ZNF146: variants seen among roughly 807,000 people sequenced by gnomAD.
The protein encoded by ZNF146 is zinc finger protein OZF.
In ZNF146, 9 loss-of-function variants were observed where a neutral mutation model predicts 22.2. That is an observed-to-expected ratio of 0.41 (90% CI 0.24 to 0.71). The LOEUF is 0.71. Among genes scored for constraint, ZNF146 ranks in the 30% least tolerant of loss-of-function variants. ZNF146 has a pLI of 0.34. For missense variants in ZNF146, 194 were observed against 344.8 expected (o/e 0.56, Z 3.46); for synonymous variants, 108 against 119.2 (o/e 0.91, Z 0.61).
At chr19:36,233,076 A>G (rs980660095) in intron 3 of ZNF146, among the ~76,000 whole-genome samples, 1 of 152,122 alleles carries the variant, frequency 6.6e-6, no homozygotes, top group African/African-American at 2.4e-5. Context: ...TTAAATATGT[A>G]TTTTCTACCA....
intron 3 of ZNF146, among the ~76,000 whole-genome samples, chr19:36,234,361 C>CA (rs374641166): frequency 0.016 from 2,352 of 150,406 alleles, 65 homozygotes; most frequent in African/African-American, 0.054. Context: ...AAGACTGTCT[C>CA]AAAAAAAAAG....
chr19:36,228,719 A>G (rs927470282), intron 2 of ZNF146, 29 bp from the exon 3 acceptor site: 4 of 152,346 alleles, frequency 2.6e-5, no homozygotes, highest in Non-Finnish European at 2.9e-5. Flanking sequence ...CAGCATTAAC[A>G]TTGTAATACT....
chr19:36,236,179 C>A lies in ZNF146; in HGVS notation c.-262C>A. The A allele has an allele frequency of 2.6e-6, 1 of 378,224 alleles. No homozygotes were observed. The highest frequency in any genetic ancestry group is 4.3e-5 in the Admixed American group (1 of 23,480). The allele number at this position is 378,224 out of a possible 1,614,324, so 23.4% of individuals were successfully genotyped here. A position where few individuals can be genotyped will look rare whatever the true frequency, so the allele number is the denominator to read the frequency against. Reference sequence around the variant, plus strand: ...CAATCTCATTGAGAAGCAGAAAATTCATGCTGGAGAGAAACTAGTGAAGGT... The same window carrying A: ...CAATCTCATTGAGAAGCAGAAAATTAATGCTGGAGAGAAACTAGTGAAGGT... On this transcript the variant is annotated 5_prime_UTR_variant, in exon 4 of 4. Coordinates refer to ENST00000443387, the MANE Select transcript of ZNF146 (RefSeq NM_007145.3).
chr19:36,236,707 G>C lies in ZNF146; in HGVS notation c.267G>C (p.Thr89=), dbSNP rs761846974. Residue 89 remains threonine (T), a synonymous_variant, in exon 4 of 4, where the codon ACG becomes ACC. Transcript: ENST00000443387. ...TTAGCCAGAAGGAAAACCTCCTTACGCACCAGAAAATTCACACTGGAGAAA... is the reference window on the plus strand; with the variant it reads ...TTAGCCAGAAGGAAAACCTCCTTACCCACCAGAAAATTCACACTGGAGAAA... The part of the protein sequence containing the change: ...KSFSQKENLL[T]HQKIHTGEKP... 6 of 1,614,148 alleles carry C rather than the reference G, an allele frequency of 3.7e-6. No homozygotes were observed. Among genetic ancestry groups the C allele is most frequent in the Non-Finnish European group, 5.1e-6 (6 of 1,180,018 alleles).
chr19:36,235,205 C>T (rs1977596895), intron 3 of ZNF146, among the ~76,000 whole-genome samples: 1 of 132,466 alleles, frequency 7.5e-6, no homozygotes, highest in Non-Finnish European at 1.6e-5. Context: ...GAAATTCCGT[C>T]TCAAAAAAAA....
chr19:36,234,320 TCTTTTCCCCACACAG>T (rs6146517), intron 3 of ZNF146, among the ~76,000 whole-genome samples: 52,797 of 151,496 alleles, frequency 0.35, 9,592 homozygotes, highest in Middle Eastern at 0.48. Flanking sequence ...GATCTCTCTT[TCTTTTCCCCACACAG>T]CCTGGGCGAC....
intron 2 of ZNF146, among the ~76,000 whole-genome samples, chr19:36,226,560 C>G (rs1428491131): frequency 6.6e-6 from 1 of 152,174 alleles, no homozygotes; most frequent in East Asian, 1.9e-4. Context: ...CTCTCTTTCT[C>G]CAAATGTGTA....
chr19:36,229,236 C>A (rs568516482), intron 3 of ZNF146, among the ~76,000 whole-genome samples: 1 of 152,188 alleles, frequency 6.6e-6, no homozygotes, highest in African/African-American at 2.4e-5. Flanking sequence ...TTATATTTTA[C>A]ACCTGTTCTC....
At chr19:36,229,873 T>C (rs1042735364) in intron 3 of ZNF146, among the ~76,000 whole-genome samples, 1 of 152,114 alleles carries the variant, frequency 6.6e-6, no homozygotes. Context: ...GCATGTGCCA[T>C]CACACCTGGC....
chr19:36,229,062 G>A (rs898360115), intron 3 of ZNF146, among the ~76,000 whole-genome samples: 1 of 152,186 alleles, frequency 6.6e-6, no homozygotes, highest in African/African-American at 2.4e-5. Flanking sequence ...TTCCTGCTTC[G>A]TCTGTGCCGC....
At chr19:36,233,834 A>C (rs1462750373) in intron 3 of ZNF146, among the ~76,000 whole-genome samples, 1 of 152,222 alleles carries the variant, frequency 6.6e-6, no homozygotes, top group Non-Finnish European at 1.5e-5. Flanking sequence ...AGGGAAGAGC[A>C]GGAGACAGAT....
chr19:36,229,283 G>A (rs183483720), intron 3 of ZNF146, among the ~76,000 whole-genome samples: 198 of 152,202 alleles, frequency 1.3e-3, no homozygotes, highest in South Asian at 0.012. Context: ...CTCTGCCATC[G>A]TAGATCCATG....
rs900028971 is a variant in ZNF146, at chr19:36,238,441, C to T, written c.*1122C>T. The stretch of plus-strand genomic sequence containing the variant: ...GATGGGTATTGGTTAAAGGGGACTT[C>T]AGCTTTTTATATAAACATCCACTTC... On this transcript the variant is annotated 3_prime_UTR_variant, in exon 4 of 4. Transcript: ENST00000443387. The T allele has an allele frequency of 3.6e-5, 6 of 167,008 alleles. No homozygotes were observed. The highest frequency in any genetic ancestry group is 1.4e-4 in the African/African-American group (6 of 41,440). The allele number at this position is 167,008 out of a possible 1,614,324, so 10.3% of individuals were successfully genotyped here.
At chr19:36,232,218 A>G (rs900391446) in intron 3 of ZNF146, among the ~76,000 whole-genome samples, 43 of 152,054 alleles carry the variant, frequency 2.8e-4, no homozygotes, top group African/African-American at 1.0e-3. Flanking sequence ...AAAAACATAC[A>G]AATTATGTGA....
Position 36,236,237 on chromosome 19 carries a change from C to T in ZNF146, c.-204C>T, listed in dbSNP as rs1007012360. ...CTTCATTGAATATTAGAAAATTTTT[C>T]TAGAGAGAAAGCATTGAATATACTG... On this transcript the variant is annotated 5_prime_UTR_variant, in exon 4 of 4. Coordinates refer to ENST00000443387, the MANE Select transcript of ZNF146 (RefSeq NM_007145.3). 23 of 556,938 alleles carry T rather than the reference C, an allele frequency of 4.1e-5. No homozygotes were observed. In the African/African-American group the frequency reaches 4.3e-4, roughly 10 times the overall value. 34.5% of individuals were successfully genotyped at this position (556,938 alleles called of 1,614,324 possible). A position where few individuals can be genotyped will look rare whatever the true frequency, so the allele number is the denominator to read the frequency against.
At chr19:36,234,756 G>T (rs1036980381) in intron 3 of ZNF146, among the ~76,000 whole-genome samples, 5 of 152,146 alleles carry the variant, frequency 3.3e-5, no homozygotes, top group African/African-American at 1.2e-4. Flanking sequence ...ATATATGTGG[G>T]TTTAATCTCT....
chr19:36,235,019 G>A (rs889490259), intron 3 of ZNF146, among the ~76,000 whole-genome samples: 2 of 151,904 alleles, frequency 1.3e-5, no homozygotes, highest in African/African-American at 4.8e-5. Context: ...GGAAGCACTT[G>A]TTGGTTGATC....
At chr19:36,219,561 A>G (rs1326468323) in intron 2 of ZNF146, among the ~76,000 whole-genome samples, 1 of 152,068 alleles carries the variant, frequency 6.6e-6, no homozygotes, top group Non-Finnish European at 1.5e-5. Flanking sequence ...ATCAGAGGTG[A>G]TCTTACATAC....
intron 2 of ZNF146, among the ~76,000 whole-genome samples, chr19:36,226,395 AT>A (rs1327319816): frequency 6.6e-6 from 1 of 152,190 alleles, no homozygotes; most frequent in African/African-American, 2.4e-5. Flanking sequence ...TACATAGTGG[AT>A]GGGGGGTATA....
Sources: gnomAD v4.1 joint callset for allele counts (sites outside exome capture counted in the v4.1 genomes callset) on GRCh38, gnomAD v4.1.1 for gene constraint, MANE v1.5 for transcripts, NCBI Gene and HGNC (gene_info 2026-07-23, HGNC 2026-07-21) for gene names.